ANKS1B: variants seen among roughly 807,000 people sequenced by gnomAD.
ANKS1B encodes the protein ankyrin repeat and sterile alpha motif domain-containing protein 1B.
ANKS1B carries 36 observed loss-of-function variants against 148.3 expected under a neutral mutation model. That is an observed-to-expected ratio of 0.24 (90% CI 0.19 to 0.32). ANKS1B has a LOEUF of 0.32. Ranked by LOEUF, ANKS1B falls within the 10% of genes least tolerant of loss-of-function variation. ANKS1B has a pLI of 1.00. For missense variants in ANKS1B, 1,157 were observed against 1,542.6 expected (o/e 0.75, Z 4.19); for synonymous variants, 542 against 560.8 (o/e 0.97, Z 0.47).
chr12:98,824,057 A>G (rs117923170), intron 19 of ANKS1B, among the ~76,000 whole-genome samples: 1 of 152,312 alleles, frequency 6.6e-6, no homozygotes, highest in Non-Finnish European at 1.5e-5. Context: ...AAAGTTCCAA[A>G]TTTCACTTAA....
chr12:99,877,981 G>C lies in ANKS1B; in HGVS notation c.135-52592C>G, dbSNP rs575006362. On this transcript the variant is annotated intron_variant, in intron 1 of 26. Coordinates refer to ENST00000683438, the MANE Select transcript of ANKS1B (RefSeq NM_001352186.2). ...AGGCTGAGGCTGGACAGTCATTTGA[G>C]CCCAGGAAGTGGAGGGTGCAATCAG... Among the ~76,000 whole-genome samples, 6 of 152,250 alleles carry C rather than the reference G, an allele frequency of 3.9e-5. No individual in the cohort carries two copies. The South Asian group carries it at 1.2e-3, about 32-fold the overall frequency.
intron 1 of ANKS1B, among the ~76,000 whole-genome samples, chr12:99,962,958 C>T (rs866334213): frequency 3.9e-5 from 6 of 152,032 alleles, no homozygotes; most frequent in African/African-American, 1.4e-4. Flanking sequence ...GGACTACAGG[C>T]GCCCACCACC....
At chr12:99,505,278 T>A (rs1038782698) in intron 9 of ANKS1B, among the ~76,000 whole-genome samples, 1 of 152,066 alleles carries the variant, frequency 6.6e-6, no homozygotes, top group Non-Finnish European at 1.5e-5. Context: ...ATTGAGCTGC[T>A]CAAATAGACC....
At chr12:98,987,358 A>C (rs989981798) in intron 17 of ANKS1B, among the ~76,000 whole-genome samples, 2 of 152,162 alleles carry the variant, frequency 1.3e-5, no homozygotes, top group African/African-American at 4.8e-5. Context: ...ATATATTTCT[A>C]AAGTATCCCA....
chr12:99,591,682 G>A (rs934792359), intron 9 of ANKS1B, among the ~76,000 whole-genome samples: 2 of 152,132 alleles, frequency 1.3e-5, no homozygotes, highest in Admixed American at 1.3e-4. Context: ...TTGTTACCTC[G>A]ATTCTCAAGG....
chr12:98,750,198 T>C (rs890295210), intron 26 of ANKS1B, among the ~76,000 whole-genome samples: 2 of 152,100 alleles, frequency 1.3e-5, no homozygotes, highest in African/African-American at 4.8e-5. Context: ...GGGTCAGTGC[T>C]GAATGGGAGG....
chr12:98,856,920 CT>C (rs1555418720), intron 17 of ANKS1B, among the ~76,000 whole-genome samples: 1 of 152,074 alleles, frequency 6.6e-6, no homozygotes, highest in Non-Finnish European at 1.5e-5. Flanking sequence ...CTGGGGTTTA[CT>C]TAATACCTGG....
chr12:99,108,853 G>A (rs776852206), intron 15 of ANKS1B, among the ~76,000 whole-genome samples: 15 of 152,068 alleles, frequency 9.9e-5, no homozygotes, highest in Non-Finnish European at 1.6e-4. Context: ...AGGGCATTTC[G>A]GAAGTTGAGA....
chr12:99,928,551 T>C (rs1008344445), intron 1 of ANKS1B, among the ~76,000 whole-genome samples: 1 of 152,124 alleles, frequency 6.6e-6, no homozygotes, highest in East Asian at 1.9e-4. Flanking sequence ...GTGCTGGGAT[T>C]ACAGGCGTGA....
intron 9 of ANKS1B, among the ~76,000 whole-genome samples, chr12:99,583,223 T>C (rs940339978): frequency 1.3e-5 from 2 of 152,136 alleles, no homozygotes; most frequent in African/African-American, 2.4e-5. Context: ...TACATGTTGG[T>C]TTTTCTCCAT....
intron 10 of ANKS1B, among the ~76,000 whole-genome samples, chr12:99,452,242 A>G (rs1000590517): frequency 2.0e-5 from 3 of 152,092 alleles, no homozygotes; most frequent in Non-Finnish European, 4.4e-5. Flanking sequence ...AGCAGTAGAC[A>G]AGATTAAGTT....
chr12:99,048,100 G>T (rs1328089086), intron 17 of ANKS1B, among the ~76,000 whole-genome samples: 1 of 152,218 alleles, frequency 6.6e-6, no homozygotes, highest in Non-Finnish European at 1.5e-5. Context: ...AGGCTGGAAT[G>T]CCGAGCTTGG....
chr12:99,827,545 A>G (rs888116249), intron 1 of ANKS1B, among the ~76,000 whole-genome samples: 9 of 152,182 alleles, frequency 5.9e-5, no homozygotes, highest in Non-Finnish European at 1.2e-4. Flanking sequence ...CTCTTGCCAC[A>G]AAAACAAAAA....
At chr12:99,947,502 C>T (rs1407844612) in intron 1 of ANKS1B, among the ~76,000 whole-genome samples, 3 of 152,040 alleles carry the variant, frequency 2.0e-5, no homozygotes, top group Non-Finnish European at 2.9e-5. Context: ...AAAAATAGAG[C>T]AACAACTAGT....
chr12:99,609,978 C>T (rs2097886823), intron 9 of ANKS1B, among the ~76,000 whole-genome samples: 1 of 152,042 alleles, frequency 6.6e-6, no homozygotes, highest in Admixed American at 6.6e-5. Context: ...AGGATCTCAC[C>T]TGCAGGCACT....
chr12:98,748,243 G>C (rs759756898), intron 26 of ANKS1B, among the ~76,000 whole-genome samples: 6 of 152,174 alleles, frequency 3.9e-5, no homozygotes, highest in African/African-American at 1.4e-4. Context: ...GGTCGTTGAG[G>C]GGTTGGGGTC....
At chr12:99,123,517 A>G (rs2063492780) in intron 15 of ANKS1B, among the ~76,000 whole-genome samples, 1 of 152,150 alleles carries the variant, frequency 6.6e-6, no homozygotes, top group African/African-American at 2.4e-5. Flanking sequence ...CAAGATCATA[A>G]GGTGAAGTCC....
At chr12:99,800,170 A>G (rs763150291) in intron 4 of ANKS1B, among the ~76,000 whole-genome samples, 7 of 152,032 alleles carry the variant, frequency 4.6e-5, no homozygotes, top group Non-Finnish European at 1.0e-4. Flanking sequence ...TGTGGCCCTA[A>G]TCCAATGGAA....
intron 11 of ANKS1B, among the ~76,000 whole-genome samples, chr12:99,431,298 T>C (rs1488159561): frequency 6.6e-6 from 1 of 152,128 alleles, no homozygotes; most frequent in Non-Finnish European, 1.5e-5. Context: ...AGGATTAAAG[T>C]AGACAGTGTG....
Sources: gnomAD v4.1 joint callset for allele counts (sites outside exome capture counted in the v4.1 genomes callset) on GRCh38, gnomAD v4.1.1 for gene constraint, MANE v1.5 for transcripts, NCBI Gene and HGNC (gene_info 2026-07-23, HGNC 2026-07-21) for gene names.